The following MCC variants were observed in gnomAD, a reference collection of about 807,000 sequenced individuals.
MCC encodes the protein MCC regulator of Wnt signaling pathway, also known as colorectal mutant cancer protein.
MCC carries 90 observed loss-of-function variants against 116.2 expected under a neutral mutation model. The ratio of observed to expected loss-of-function variants is 0.77; its 90% CI spans 0.65 to 0.92. The LOEUF (loss-of-function observed/expected upper bound fraction) is 0.92, where lower values mean the gene tolerates loss of function less well. MCC is among the 40% of genes least tolerant of loss of function. The pLI, the probability that MCC is intolerant of heterozygous loss-of-function variation, is 0.00. For missense variants in MCC, 1,516 were observed against 1,312.2 expected (o/e 1.16, Z -2.40); for synonymous variants, 578 against 510.5 (o/e 1.13, Z -1.78).
chr5:113,027,313 T>C lies in MCC; in HGVS notation c.3049A>G (p.Thr1017Ala). Residue 1017 changes from threonine (T) to alanine (A), a missense_variant, in exon 19 of 19, where the codon ACT becomes GCT. Transcript: ENST00000408903. ...EENSRPHTNE[T>A]SL is the part of the protein sequence containing the mutation. ...TGCGTGAGTGCTGATTAAAGCGAAG[T>C]TTCATTGGTGTGTGGCCTGGAGTTC... is the stretch of plus-strand genomic sequence containing the variant. 3 of 1,614,054 alleles carry C rather than the reference T, an allele frequency of 1.9e-6. No individual in the cohort carries two copies. Among genetic ancestry groups the C allele is most frequent in the Non-Finnish European group, 2.5e-6 (3 of 1,179,948 alleles).
At chr5:113,233,994 C>A (rs1471748773) in intron 3 of MCC, among the ~76,000 whole-genome samples, 5 of 152,142 alleles carry the variant, frequency 3.3e-5, no homozygotes, top group African/African-American at 9.7e-5. Flanking sequence ...CACTCTCTAC[C>A]GCAAACAGTG....
chr5:113,453,531 C>G (rs1029975383), intron 1 of MCC, among the ~76,000 whole-genome samples: 4 of 152,346 alleles, frequency 2.6e-5, no homozygotes, highest in African/African-American at 9.6e-5. Flanking sequence ...TCAGCAAAGG[C>G]AGGCGCCGTG....
At chr5:113,245,966 A>G (rs1043862193) in intron 3 of MCC, among the ~76,000 whole-genome samples, 1 of 152,248 alleles carries the variant, frequency 6.6e-6, no homozygotes, top group Non-Finnish European at 1.5e-5. Context: ...GTATTACTTC[A>G]GAGGTTTCAG....
intron 3 of MCC, among the ~76,000 whole-genome samples, chr5:113,252,949 G>C (rs984749266): frequency 6.6e-6 from 1 of 152,126 alleles, no homozygotes; most frequent in African/African-American, 2.4e-5. Flanking sequence ...ATGGAGAGTG[G>C]GTTCAAGAAA....
intron 1 of MCC, among the ~76,000 whole-genome samples, chr5:113,466,668 G>A (rs1259248596): frequency 3.3e-5 from 5 of 152,114 alleles, no homozygotes; most frequent in African/African-American, 9.7e-5. Context: ...CTTTATAGCA[G>A]CATGATTTAT....
At chr5:113,137,447 A>G (rs1758908076) in intron 5 of MCC, among the ~76,000 whole-genome samples, 1 of 152,154 alleles carries the variant, frequency 6.6e-6, no homozygotes, top group African/African-American at 2.4e-5. Flanking sequence ...CATCTACTGA[A>G]ATCATCATGT....
chr5:113,308,599 GA>G (rs768248929), intron 3 of MCC, among the ~76,000 whole-genome samples: 3 of 152,120 alleles, frequency 2.0e-5, no homozygotes, highest in Non-Finnish European at 2.9e-5. Flanking sequence ...AAGGCAGGAG[GA>G]TTGCTTGAGC....
intron 3 of MCC, among the ~76,000 whole-genome samples, chr5:113,333,846 T>TATATATACATATATGTATATATGTAC (rs1469058009): frequency 1.6e-5 from 1 of 62,640 alleles, no homozygotes; most frequent in African/African-American, 6.9e-5. Flanking sequence ...TATATATGTA[T>TATATATACATATATGTATATATGTAC]ATATGTACAT....
At chr5:113,219,595 A>G (rs558867580) in intron 3 of MCC, among the ~76,000 whole-genome samples, 2 of 152,210 alleles carry the variant, frequency 1.3e-5, no homozygotes, top group Non-Finnish European at 2.9e-5. Flanking sequence ...TAAAATTTCA[A>G]TAATAGGTCC....
At chr5:113,476,986 G>C (rs901875013) in intron 1 of MCC, among the ~76,000 whole-genome samples, 3 of 152,166 alleles carry the variant, frequency 2.0e-5, no homozygotes, top group African/African-American at 7.2e-5. Flanking sequence ...ACCTTCATTT[G>C]TTAAACATGA....
chr5:113,167,065 G>C (rs1257380142), intron 3 of MCC, among the ~76,000 whole-genome samples: 1 of 152,172 alleles, frequency 6.6e-6, no homozygotes, highest in Non-Finnish European at 1.5e-5. Context: ...TGTGGGTGCA[G>C]CCCTGCCTGG....
At chr5:113,285,223 C>G (rs1391911604) in intron 3 of MCC, among the ~76,000 whole-genome samples, 2 of 152,172 alleles carry the variant, frequency 1.3e-5, no homozygotes, top group African/African-American at 4.8e-5. Flanking sequence ...GGAGAGGCAT[C>G]TGACGATGGA....
intron 4 of MCC, among the ~76,000 whole-genome samples, chr5:113,149,809 G>A (rs1291952222): frequency 6.6e-6 from 1 of 152,138 alleles, no homozygotes; most frequent in Non-Finnish European, 1.5e-5. Flanking sequence ...AAGCAGGTAA[G>A]AACAAACCAA....
chr5:113,054,058 A>C (rs889445462), intron 14 of MCC, 99 bp from the exon 15 acceptor site: 20 of 806,102 alleles, frequency 2.5e-5, no homozygotes, highest in East Asian at 7.4e-5. Flanking sequence ...CCCTCTCCCC[A>C]GTGTTATTTA....
At chr5:113,146,219 GATTACAA>G (rs1284332148) in intron 4 of MCC, among the ~76,000 whole-genome samples, 1 of 8,116 alleles carries the variant, frequency 1.2e-4, no homozygotes, top group Non-Finnish European at 3.4e-4. Context: ...CAGGGGAGGT[GATTACAA>G]CACATTTTGA....
chr5:113,066,469 C>T (rs1188769359), intron 13 of MCC, among the ~76,000 whole-genome samples: 2 of 152,080 alleles, frequency 1.3e-5, no homozygotes, highest in Non-Finnish European at 2.9e-5. Flanking sequence ...TACTTCTGGG[C>T]TGGGCTGGTA....
chr5:113,070,094 G>C (rs1399629274), intron 12 of MCC, among the ~76,000 whole-genome samples: 1 of 152,188 alleles, frequency 6.6e-6, no homozygotes, highest in African/African-American at 2.4e-5. Flanking sequence ...AGCTTCAACG[G>C]TTATCACAGA....
rs1425758476 is a variant in MCC at position 113,153,188 on chromosome 5, A to C, written c.628-1766T>G. ...CGGCGAAAAGGATAAAATACGTGAG[A>C]GCTGACATGTTCTTGAAGAAATTGA... On this transcript the variant is annotated intron_variant, in intron 3 of 18. Coordinates refer to ENST00000408903, the MANE Select transcript of MCC (RefSeq NM_001085377.2). Among the ~76,000 whole-genome samples the C allele has an allele frequency of 5.3e-5, 8 of 152,304 alleles. No homozygotes were observed. In the East Asian group the frequency reaches 1.4e-3, roughly 26 times the overall value.
At chr5:113,256,592 C>A (rs1048350578) in intron 3 of MCC, among the ~76,000 whole-genome samples, 1 of 143,070 alleles carries the variant, frequency 7.0e-6, no homozygotes, top group African/African-American at 2.8e-5. Flanking sequence ...AACTTGCCTA[C>A]CTATATATTA....
Sources: allele counts gnomAD v4.1 joint callset (sites outside exome capture counted in the v4.1 genomes callset), GRCh38; gene constraint gnomAD v4.1.1; transcripts MANE v1.5; gene names NCBI Gene and HGNC (gene_info 2026-07-23, HGNC 2026-07-21).